The following LRP5 variants were observed in gnomAD, a reference collection of about 807,000 sequenced individuals.
LRP5 encodes low-density lipoprotein receptor-related protein 5.
A neutral mutation model predicts 154.1 loss-of-function variants in LRP5; 62 were observed. The ratio of observed to expected loss-of-function variants is 0.40; its 90% CI spans 0.33 to 0.50. The LOEUF (loss-of-function observed/expected upper bound fraction) is 0.50. Among genes scored for constraint, LRP5 ranks in the 20% least tolerant of loss-of-function variants. The pLI, the probability that LRP5 is intolerant of heterozygous loss-of-function variation, is 0.55. For missense variants in LRP5, 1,915 were observed against 2,336.7 expected (o/e 0.82, Z 3.72); for synonymous variants, 966 against 1,011.5 (o/e 0.96, Z 0.85).
At chr11:68,403,251 TCAAA>T (rs773083096) in intron 7 of LRP5, among the ~76,000 whole-genome samples, 36 of 151,888 alleles carry the variant, frequency 2.4e-4, no homozygotes, top group South Asian at 4.2e-4. Flanking sequence ...TCTCAAAATC[TCAAA>T]CAAACAAACA....
intron 21 of LRP5, among the ~76,000 whole-genome samples, chr11:68,442,068 C>G (rs755736037): frequency 5.9e-5 from 9 of 152,364 alleles, no homozygotes; most frequent in South Asian, 2.1e-4. Flanking sequence ...CAGGGGTCAT[C>G]TGTACATATG....
intron 5 of LRP5, among the ~76,000 whole-genome samples, chr11:68,366,312 G>A (rs1426597174): frequency 1.3e-5 from 2 of 152,086 alleles, no homozygotes; most frequent in Admixed American, 6.6e-5. Flanking sequence ...TGTCCCACTC[G>A]GGAGGGCAGG....
At chr11:68,428,838 T>C (rs989046084) in intron 16 of LRP5, among the ~76,000 whole-genome samples, 8 of 122,872 alleles carry the variant, frequency 6.5e-5, no homozygotes, top group Non-Finnish European at 1.1e-4. Flanking sequence ...CTCAGCACTT[T>C]AGGAAGCTGA....
chr11:68,445,518 G>A (rs1328292215), intron 21 of LRP5: 15 of 1,060,582 alleles, frequency 1.4e-5, no homozygotes, highest in African/African-American at 1.1e-4. Context: ...TAGGGGGCCT[G>A]AGAGAACTGA....
chr11:68,408,296 A>G (rs1591290845), intron 9 of LRP5, among the ~76,000 whole-genome samples: 1 of 120,690 alleles, frequency 8.3e-6, no homozygotes, highest in Non-Finnish European at 1.6e-5. Flanking sequence ...CATGTTGCCC[A>G]GGCTGGTTTC....
chr11:68,388,473 G>A (rs933254000), intron 6 of LRP5, among the ~76,000 whole-genome samples: 15 of 152,170 alleles, frequency 9.9e-5, no homozygotes, highest in Admixed American at 9.2e-4. Context: ...CTGGAAGCGG[G>A]AGGCAGAGGG....
intron 1 of LRP5, among the ~76,000 whole-genome samples, chr11:68,327,031 C>T (rs950603240): frequency 2.6e-5 from 4 of 152,208 alleles, no homozygotes; most frequent in African/African-American, 9.7e-5. Context: ...GTCCTGCCTT[C>T]GCCCTGGCCA....
At chr11:68,341,059 C>CTTTT (rs576462333) in intron 1 of LRP5, among the ~76,000 whole-genome samples, 7 of 83,480 alleles carry the variant, frequency 8.4e-5, no homozygotes, top group Admixed American at 1.6e-4. Flanking sequence ...GGAGATTGTT[C>CTTTT]TTTTTTTTTT....
upstream of LRP5, among the ~76,000 whole-genome samples, chr11:68,310,923 T>G (rs4988329): frequency 0.1 from 15,622 of 150,970 alleles, 854 homozygotes; most frequent in Middle Eastern, 0.12. Context: ...AAGGAAGAAG[T>G]GTGGTTGGAG....
At chr11:68,408,701 T>C (rs901353515) in intron 9 of LRP5, among the ~76,000 whole-genome samples, 1 of 152,090 alleles carries the variant, frequency 6.6e-6, no homozygotes, top group African/African-American at 2.4e-5. Context: ...ATGTATGAAA[T>C]ACTCCACTGC....
chr11:68,413,922 T>C lies in LRP5; in HGVS notation c.2737T>C (p.Cys913Arg). The change falls in exon 12 of 23, where the codon TGT (cysteine) becomes CGT (arginine). Residue 913 changes from cysteine to arginine, a missense_variant. Transcript: ENST00000294304. The surrounding 1 kb of genome is among the most constrained non-coding windows in gnomAD (Gnocchi z 5.1). ...LNDCMHNNGQ[C>R]GQLCLAIPGG... The stretch of plus-strand genomic sequence containing the variant: ...TGACTGTATGCACAACAACGGGCAG[T>C]GTGGGCAGCTGTGCCTTGCCATCCC... 1 of 1,611,914 alleles carries C rather than the reference T, an allele frequency of 6.2e-7. No homozygotes were observed. Among genetic ancestry groups the C allele is most frequent in the Non-Finnish European group, 8.5e-7 (1 of 1,180,016 alleles).
intron 7 of LRP5, among the ~76,000 whole-genome samples, chr11:68,400,578 A>AATAC (rs1448470432): frequency 1.3e-5 from 2 of 151,362 alleles, no homozygotes; most frequent in African/African-American, 4.9e-5. Context: ...TAAATAAATA[A>AATAC]ATAAATACAA....
At chr11:68,377,112 G>A (rs2098637774) in intron 5 of LRP5, among the ~76,000 whole-genome samples, 1 of 152,178 alleles carries the variant, frequency 6.6e-6, no homozygotes, top group African/African-American at 2.4e-5. Flanking sequence ...CCCACTGCCT[G>A]CCTGGGGAGT....
chr11:68,430,222 G>A (rs1565108110), intron 17 of LRP5, among the ~76,000 whole-genome samples: 1 of 152,218 alleles, frequency 6.6e-6, no homozygotes, highest in Non-Finnish European at 1.5e-5. Context: ...CACTCAGGCT[G>A]GAGTGCAATG....
chr11:68,372,131 C>T (rs2098634359), intron 5 of LRP5, among the ~76,000 whole-genome samples: 1 of 152,232 alleles, frequency 6.6e-6, no homozygotes, highest in Admixed American at 6.5e-5. Context: ...CAAGAGGATT[C>T]AGGATGGAAG....
intron 7 of LRP5, among the ~76,000 whole-genome samples, chr11:68,391,823 G>T (rs1216054665): frequency 6.6e-6 from 1 of 152,224 alleles, no homozygotes; most frequent in African/African-American, 2.4e-5. Context: ...CCTGTGACAG[G>T]CGTTGTTCCA....
At chr11:68,443,057 T>G (rs1034789750) in intron 21 of LRP5, among the ~76,000 whole-genome samples, 1 of 152,120 alleles carries the variant, frequency 6.6e-6, no homozygotes, top group Non-Finnish European at 1.5e-5. Flanking sequence ...AAAGGGACAG[T>G]CCATCTTTTC....
At position 68,357,640 on chromosome 11, in the gene LRP5, C is replaced by T. The variant is rs1240789043; in HGVS notation, c.489-10C>T. On this transcript the variant is annotated splice_polypyrimidine_tract_variant and intron_variant, in intron 2 of 22. Transcript: ENST00000294304. ...TGTTAGCTGCTTCTCTTGCCCTGCC[C>T]CCGTCACAGGTACATGTACTGGACA... is the stretch of plus-strand genomic sequence containing the variant. The T allele has an allele frequency of 6.2e-7, 1 of 1,613,178 alleles. No individual in the cohort carries two copies. Among genetic ancestry groups the T allele is most frequent in the Admixed American group, 1.7e-5 (1 of 59,912 alleles).
rs148550774 is a variant in LRP5 at position 68,410,056 on chromosome 11, C to T, written c.2234C>T (p.Ala745Val). 1,441 of 1,613,852 alleles carry T rather than the reference C, an allele frequency of 8.9e-4. 2 individuals carry two copies. The highest frequency in any genetic ancestry group is 7.3e-4 in the Non-Finnish European group (867 of 1,180,004). Residue 745 changes from alanine to valine, a missense_variant, in exon 10 of 23, where the codon GCG becomes GTG. By Grantham distance (64) the Ala-to-Val change is moderately conservative. Around this residue, in one of 3 missense-constraint regions of LRP5, gnomAD observed 773 missense variants for 1,100.9 expected, o/e 0.70. Coordinates refer to ENST00000294304, the MANE Select transcript of LRP5 (RefSeq NM_002335.4). ...ACTGGGACCAACAGAATCGAAGTGG[C>T]GCGGCTGGACGGGCAGTTCCGGCAA... Reference protein sequence around the residue: ...ADTGTNRIEVARLDGQFRQVL... With the variant: ...ADTGTNRIEVVRLDGQFRQVL...
Sources: gnomAD v4.1 joint callset for allele counts (sites outside exome capture counted in the v4.1 genomes callset) on GRCh38, gnomAD v4.1.1 for gene constraint, gnomAD v4.1.1 regional missense constraint, Gnocchi (gnomAD v3.1) non-coding constraint, MANE v1.5 for transcripts, NCBI Gene and HGNC (gene_info 2026-07-23, HGNC 2026-07-21) for gene names.